Variants in ADGRB3 observed in about 807,000 individuals in gnomAD.
The protein encoded by ADGRB3 is adhesion G protein-coupled receptor B3.
In ADGRB3, 37 loss-of-function variants were observed where a neutral mutation model predicts 193.4. That is an observed-to-expected ratio of 0.19 (90% CI 0.15 to 0.25). The LOEUF is 0.25. Ranked by LOEUF, ADGRB3 falls within the 10% of genes least tolerant of loss-of-function variation. The probability of loss-of-function intolerance (pLI) is 1.00; values close to 1 mark genes in which losing one functional copy is unlikely to be tolerated. For missense variants in ADGRB3, 1,637 were observed against 1,852.9 expected, an observed-to-expected ratio of 0.88 and a Z score of 2.14; for synonymous variants, 690 against 644.2, an observed-to-expected ratio of 1.07 and a Z score of -1.08.
intron 5 of ADGRB3, among the ~76,000 whole-genome samples, chr6:68,941,026 T>C (rs1168217404): frequency 6.6e-6 from 1 of 152,186 alleles, no homozygotes; most frequent in Admixed American, 6.5e-5. Context: ...ATTTCGTCTC[T>C]AGTTATCACA....
chr6:68,789,665 C>T (rs1344019648), intron 3 of ADGRB3, among the ~76,000 whole-genome samples: 1 of 152,122 alleles, frequency 6.6e-6, no homozygotes, highest in East Asian at 1.9e-4. Flanking sequence ...ATCTTTGTGG[C>T]ATTCTCTGTA....
chr6:69,116,332 C>T (rs1310387884), intron 17 of ADGRB3, among the ~76,000 whole-genome samples: 3 of 152,186 alleles, frequency 2.0e-5, no homozygotes, highest in Non-Finnish European at 4.4e-5. Context: ...TTAACCCTCT[C>T]AGCATGTTTC....
Position 69,338,969 on chromosome 6 carries a change from T to C in ADGRB3, c.3242T>C (p.Val1081Ala), listed in dbSNP as rs1221886977. 5.6e-6 allele frequency: 9 copies of C among 1,613,602 alleles called. No individual in the cohort carries two copies. The highest frequency in any genetic ancestry group is 7.6e-6 in the Non-Finnish European group (9 of 1,179,818). The part of the protein sequence containing the change: ...GLTLKCAKCG[V>A]VSTTALSATT... ...ACGCTCAAATGTGCCAAGTGTGGAG[T>C]AGTTTCAACAACAGCTTTGTCAGCC... The change falls in exon 25 of 32, where the codon GTA becomes GCA. Residue 1081 changes from valine to alanine, a missense_variant. This residue lies in a region of ADGRB3 where 56 missense variants were observed against 53.3 expected (regional missense o/e 1.05). Coordinates refer to ENST00000370598, the MANE Select transcript of ADGRB3 (RefSeq NM_001704.3).
intron 3 of ADGRB3, among the ~76,000 whole-genome samples, chr6:68,846,488 G>A (rs1226239723): frequency 6.6e-6 from 1 of 152,212 alleles, no homozygotes; most frequent in African/African-American, 2.4e-5. Flanking sequence ...CATGGGCAAG[G>A]CCCAGGGGCC....
intron 11 of ADGRB3, among the ~76,000 whole-genome samples, chr6:68,995,269 A>G (rs1317267377): frequency 1.3e-5 from 2 of 152,184 alleles, no homozygotes; most frequent in East Asian, 1.9e-4. Context: ...TAATATTTAC[A>G]TTAAAAATAG....
At chr6:69,212,110 GA>G (rs1190063534) in intron 17 of ADGRB3, among the ~76,000 whole-genome samples, 1 of 152,114 alleles carries the variant, frequency 6.6e-6, no homozygotes, top group Non-Finnish European at 1.5e-5. Flanking sequence ...TTAGCATAAT[GA>G]ATTTGTAGGA....
At chr6:68,788,552 C>T (rs1380546750) in intron 3 of ADGRB3, among the ~76,000 whole-genome samples, 1 of 151,952 alleles carries the variant, frequency 6.6e-6, no homozygotes, top group African/African-American at 2.4e-5. Context: ...TTTTACATTT[C>T]CTGAGGAGTG....
intron 17 of ADGRB3, among the ~76,000 whole-genome samples, chr6:69,083,753 C>T (rs486051): frequency 0.016 from 2,342 of 150,604 alleles, 29 homozygotes; most frequent in Non-Finnish European, 0.026. Flanking sequence ...CTTTCATGAG[C>T]CACCTAATTA....
chr6:69,112,763 AT>A (rs5877192), intron 17 of ADGRB3, among the ~76,000 whole-genome samples: 32,969 of 148,750 alleles, frequency 0.22, 5,040 homozygotes, highest in East Asian at 0.8. Flanking sequence ...TCCAGAGATA[AT>A]TTTTTTTTTT....
intron 15 of ADGRB3, among the ~76,000 whole-genome samples, chr6:69,058,787 T>C (rs573273138): frequency 4.6e-5 from 7 of 152,140 alleles, no homozygotes; most frequent in African/African-American, 2.4e-5. Context: ...TCTAGTTTTA[T>C]TCCATTGTAG....
chr6:69,263,317 TA>T (rs1766969270), intron 20 of ADGRB3, among the ~76,000 whole-genome samples: 1 of 152,052 alleles, frequency 6.6e-6, no homozygotes, highest in Non-Finnish European at 1.5e-5. Context: ...TTCAGATATA[TA>T]ATTGGTGATG....
At chr6:68,851,112 T>C (rs1768390528) in intron 3 of ADGRB3, among the ~76,000 whole-genome samples, 1 of 152,006 alleles carries the variant, frequency 6.6e-6, no homozygotes, top group Non-Finnish European at 1.5e-5. Context: ...TAAAGTTCTA[T>C]CTGCTCTGAT....
At chr6:69,164,995 C>G (rs1775095043) in intron 17 of ADGRB3, among the ~76,000 whole-genome samples, 1 of 151,930 alleles carries the variant, frequency 6.6e-6, no homozygotes, top group Non-Finnish European at 1.5e-5. Context: ...ACCCCTCCTC[C>G]CTCAGACCTT....
chr6:68,806,435 C>T (rs1011918406), intron 3 of ADGRB3, among the ~76,000 whole-genome samples: 1 of 151,894 alleles, frequency 6.6e-6, no homozygotes, highest in East Asian at 1.9e-4. Flanking sequence ...TTACATAATA[C>T]TCTGATTATT....
At chr6:68,807,163 GT>G (rs1263225457) in intron 3 of ADGRB3, among the ~76,000 whole-genome samples, 1 of 149,716 alleles carries the variant, frequency 6.7e-6, no homozygotes. Flanking sequence ...TGAGATAATG[GT>G]TTTATTGAAT....
At chr6:69,367,800 G>A (rs192042855) in intron 29 of ADGRB3, among the ~76,000 whole-genome samples, 47 of 152,028 alleles carry the variant, frequency 3.1e-4, no homozygotes, top group African/African-American at 1.1e-3. Context: ...ATACACCATG[G>A]AATACTATGA....
rs528553797 is a variant in ADGRB3 at position 69,276,916 on chromosome 6, G to A, written c.2814+37690G>A. 3.3e-5 allele frequency among the ~76,000 whole-genome samples: 5 copies of A among 151,718 alleles called. No homozygotes were observed. The South Asian group carries it at 1.0e-3, about 32-fold the overall frequency. On this transcript the variant is annotated intron_variant, in intron 20 of 31. Transcript: ENST00000370598. ...AAATTGTATACATTAAATATGTACAGCTTTTTATTTGTCAACCATACCTCC... is the reference window on the plus strand; with the variant it reads ...AAATTGTATACATTAAATATGTACAACTTTTTATTTGTCAACCATACCTCC...
intron 20 of ADGRB3, among the ~76,000 whole-genome samples, chr6:69,302,319 A>T (rs987709336): frequency 6.6e-6 from 1 of 151,968 alleles, no homozygotes; most frequent in Non-Finnish European, 1.5e-5. Flanking sequence ...TTTGAAGGGA[A>T]ATTATAAACA....
intron 17 of ADGRB3, among the ~76,000 whole-genome samples, chr6:69,115,698 T>C (rs1184554708): frequency 2.0e-5 from 3 of 152,222 alleles, no homozygotes; most frequent in African/African-American, 7.2e-5. Flanking sequence ...GCCATGGAGA[T>C]GTGCCACTTA....
Sources: allele counts gnomAD v4.1 joint callset (sites outside exome capture counted in the v4.1 genomes callset), GRCh38; gene constraint gnomAD v4.1.1; regional missense constraint gnomAD v4.1.1; transcripts MANE v1.5; gene names NCBI Gene and HGNC (gene_info 2026-07-23, HGNC 2026-07-21).